Variants in PAX5 observed in about 807,000 individuals in gnomAD.
PAX5 encodes paired box 5.
Under a neutral mutation model 43.7 loss-of-function variants are expected in PAX5, and 9 were observed. That is an observed-to-expected ratio of 0.21 (90% confidence interval 0.12 to 0.36). The LOEUF is 0.36. PAX5 is among the 10% of genes least tolerant of loss of function. PAX5 has a pLI of 1.00. For synonymous variants in PAX5, 228 were observed against 214.3 expected (o/e 1.06, Z -0.56); for missense variants, 383 against 532.7 (o/e 0.72, Z 2.77).
intron 8 of PAX5, among the ~76,000 whole-genome samples, chr9:36,869,895 AATGGATGGATGGATGGATGGATGG>A (rs371489118): frequency 3.2e-4 from 16 of 49,404 alleles, no homozygotes; most frequent in East Asian, 7.5e-4. Flanking sequence ...TGGATGGATA[AATGGATGGATGGATGGATGGATGG>A]ATGGATGGAT....
chr9:36,918,158 C>T (rs7046985), intron 7 of PAX5, among the ~76,000 whole-genome samples: 1,599 of 152,254 alleles, frequency 0.011, 34 homozygotes, highest in African/African-American at 0.037. Context: ...ATGTATCTCT[C>T]ACTTTAAATC....
chr9:37,029,009 A>C (rs908918629), intron 1 of PAX5, among the ~76,000 whole-genome samples: 2 of 152,220 alleles, frequency 1.3e-5, no homozygotes, highest in African/African-American at 4.8e-5. Context: ...TCTGTGAGCC[A>C]TCTGGGCCCT....
At chr9:37,004,123 G>T (rs1838176160) in intron 4 of PAX5, among the ~76,000 whole-genome samples, 1 of 152,242 alleles carries the variant, frequency 6.6e-6, no homozygotes, top group Admixed American at 6.5e-5. Context: ...CTTACTTAAA[G>T]TCTAGATTTC....
At chr9:36,845,499 C>T (rs1822478470) in intron 9 of PAX5, among the ~76,000 whole-genome samples, 1 of 152,216 alleles carries the variant, frequency 6.6e-6, no homozygotes, top group African/African-American at 2.4e-5. Flanking sequence ...GCAGATTCTG[C>T]CCCTCTTGGA....
At chr9:36,840,733 G>C (rs1198559692) in intron 9 of PAX5, 97 bp from the exon 10 acceptor site, 3 of 724,084 alleles carry the variant, frequency 4.1e-6, no homozygotes, top group Admixed American at 2.7e-5. Context: ...CTCAGTCCGG[G>C]CCACCATCCT....
At chr9:36,894,085 G>T (rs573684595) in intron 7 of PAX5, among the ~76,000 whole-genome samples, 2 of 152,298 alleles carry the variant, frequency 1.3e-5, no homozygotes, top group Admixed American at 1.3e-4. Flanking sequence ...CCCCACTCCT[G>T]GTTTTGGTAC....
intron 8 of PAX5, among the ~76,000 whole-genome samples, chr9:36,853,424 C>G (rs1823353911): frequency 2.0e-5 from 3 of 152,146 alleles, no homozygotes; most frequent in South Asian, 4.2e-4. Flanking sequence ...GAGAACCCAG[C>G]TATCTGGGGA....
At chr9:36,918,441 T>C (rs1042490251) in intron 7 of PAX5, among the ~76,000 whole-genome samples, 4 of 152,128 alleles carry the variant, frequency 2.6e-5, no homozygotes, top group African/African-American at 4.8e-5. Flanking sequence ...GGTGGGAGGA[T>C]TGCTTGAGCC....
At chr9:36,901,678 C>T (rs753621070) in intron 7 of PAX5, among the ~76,000 whole-genome samples, 4 of 152,088 alleles carry the variant, frequency 2.6e-5, no homozygotes, top group Non-Finnish European at 5.9e-5. Flanking sequence ...GCTGTCCGAC[C>T]CCACGCCCTA....
intron 1 of PAX5, among the ~76,000 whole-genome samples, chr9:37,024,752 A>G (rs1840160401): frequency 6.6e-6 from 1 of 152,206 alleles, no homozygotes; most frequent in African/African-American, 2.4e-5. Context: ...GCTAACCTGC[A>G]CCTGAAAGAA....
intron 5 of PAX5, among the ~76,000 whole-genome samples, chr9:36,977,191 T>A (rs1835508335): frequency 6.6e-6 from 1 of 151,892 alleles, no homozygotes; most frequent in African/African-American, 2.4e-5. Flanking sequence ...CCTTCCCTAT[T>A]GGATCCTCAC....
chr9:37,010,902 C>T (rs114979864), intron 3 of PAX5, among the ~76,000 whole-genome samples: 1,544 of 152,208 alleles, frequency 0.01, 31 homozygotes, highest in African/African-American at 0.035. Flanking sequence ...GAGTGGATCA[C>T]TTGAGTCCAG....
chr9:36,907,478 G>T (rs1376230436), intron 7 of PAX5, among the ~76,000 whole-genome samples: 1 of 152,116 alleles, frequency 6.6e-6, no homozygotes, highest in East Asian at 1.9e-4. Flanking sequence ...GGATGCCAAG[G>T]TGCCCTGTCC....
chr9:37,002,588 A>G, intron 5 of PAX5, 60 bp downstream of exon 5: 1 of 1,561,542 alleles, frequency 6.4e-7, no homozygotes, highest in Non-Finnish European at 8.7e-7. Flanking sequence ...CCCGCGACCG[A>G]GCGCCGGAAA....
chr9:37,030,400 G>A (rs1032862060), intron 1 of PAX5, among the ~76,000 whole-genome samples: 8 of 152,202 alleles, frequency 5.3e-5, no homozygotes, highest in Admixed American at 5.2e-4. Context: ...GCAAGTCCAT[G>A]GTGGAGCCGG....
At chr9:36,863,904 C>T (rs140069825) in intron 8 of PAX5, among the ~76,000 whole-genome samples, 4,219 of 152,250 alleles carry the variant, frequency 0.028, 91 homozygotes, top group South Asian at 0.11. Context: ...AGGTCAGGAG[C>T]TCAAGACCAG....
At chr9:36,906,687 C>A (rs557180263) in intron 7 of PAX5, among the ~76,000 whole-genome samples, 120 of 152,334 alleles carry the variant, frequency 7.9e-4, no homozygotes, top group African/African-American at 2.9e-3. Flanking sequence ...CTGGACAGAT[C>A]CCCCCGCAAG....
chr9:36,878,593 G>A (rs1269601160), intron 8 of PAX5, among the ~76,000 whole-genome samples: 1 of 152,256 alleles, frequency 6.6e-6, no homozygotes, highest in Non-Finnish European at 1.5e-5. Flanking sequence ...CCAGACAGCA[G>A]TCAGGGTTGG....
intron 5 of PAX5, among the ~76,000 whole-genome samples, chr9:37,002,148 A>T (rs1008583560): frequency 3.3e-5 from 5 of 151,980 alleles, no homozygotes; most frequent in African/African-American, 9.7e-5. Flanking sequence ...CAACACCATC[A>T]TCAGGGCTGA....
Sources: gnomAD v4.1 joint callset for allele counts (sites outside exome capture counted in the v4.1 genomes callset) on GRCh38, gnomAD v4.1.1 for gene constraint, MANE v1.5 for transcripts, NCBI Gene and HGNC (gene_info 2026-07-23, HGNC 2026-07-21) for gene names.